The following PAK5 variants were observed in gnomAD, a reference collection of about 807,000 sequenced individuals.
The protein encoded by PAK5 is p21 (RAC1) activated kinase 5.
In PAK5, 16 loss-of-function variants were observed where a neutral mutation model predicts 65.9. The observed-to-expected ratio is 0.24, with a 90% CI of 0.16 to 0.37. PAK5 has a LOEUF of 0.37. PAK5 is among the 10% of genes least tolerant of loss of function. The pLI is 1.00. For synonymous variants in PAK5, 371 were observed against 354.9 expected (o/e 1.05, Z -0.51); for missense variants, 785 against 903.9 (o/e 0.87, Z 1.69).
intron 2 of PAK5, among the ~76,000 whole-genome samples, chr20:9,689,591 G>T (rs1399428364): frequency 6.6e-6 from 1 of 152,190 alleles, no homozygotes; most frequent in Non-Finnish European, 1.5e-5. Flanking sequence ...ACTCAGCAAT[G>T]AAACCGCTGA....
At chr20:9,790,790 C>T (rs1252000105) in intron 1 of PAK5, among the ~76,000 whole-genome samples, 1 of 152,098 alleles carries the variant, frequency 6.6e-6, no homozygotes, top group Non-Finnish European at 1.5e-5. Context: ...TGAGCCACTG[C>T]ACCCAGTTGA....
chr20:9,815,320 T>C (rs1340448339), intron 1 of PAK5, among the ~76,000 whole-genome samples: 1 of 152,172 alleles, frequency 6.6e-6, no homozygotes, highest in East Asian at 1.9e-4. Flanking sequence ...AATATGAATA[T>C]GAATGCCTGC....
chr20:9,652,056 T>G (rs895042968), intron 2 of PAK5, among the ~76,000 whole-genome samples: 6 of 152,050 alleles, frequency 3.9e-5, no homozygotes, highest in African/African-American at 1.4e-4. Flanking sequence ...CGAAGAGAGA[T>G]TTTTCTTTTC....
intron 2 of PAK5, among the ~76,000 whole-genome samples, chr20:9,681,006 T>G (rs1399731471): frequency 6.6e-6 from 1 of 152,236 alleles, no homozygotes; most frequent in Non-Finnish European, 1.5e-5. Flanking sequence ...TTACCAAGAG[T>G]TGTGAATTTG....
At chr20:9,684,301 G>T (rs997694845) in intron 2 of PAK5, among the ~76,000 whole-genome samples, 1 of 152,184 alleles carries the variant, frequency 6.6e-6, no homozygotes, top group Non-Finnish European at 1.5e-5. Context: ...TAAGGATTAT[G>T]GTTCCAGGAT....
At chr20:9,547,724 C>T (rs539827818) in intron 7 of PAK5, among the ~76,000 whole-genome samples, 1 of 152,204 alleles carries the variant, frequency 6.6e-6, no homozygotes, top group African/African-American at 2.4e-5. Flanking sequence ...GGATGGGATC[C>T]AAGGTCTTGT....
At chr20:9,819,803 G>A (rs1412242196) in intron 1 of PAK5, among the ~76,000 whole-genome samples, 1 of 152,074 alleles carries the variant, frequency 6.6e-6, no homozygotes, top group Non-Finnish European at 1.5e-5. Context: ...ACCCACAAAT[G>A]TTATATTAGA....
chr20:9,779,747 A>G (rs1282061548), intron 1 of PAK5, among the ~76,000 whole-genome samples: 3 of 151,992 alleles, frequency 2.0e-5, no homozygotes, highest in Non-Finnish European at 4.4e-5. Flanking sequence ...CTCAACTTAA[A>G]ACACTTAATA....
At position 9,592,296 on chromosome 20, in the gene PAK5, C is replaced by T. The variant is rs150345478; in HGVS notation, c.205-11366G>A. Among the ~76,000 whole-genome samples the T allele has an allele frequency of 1.4e-3, 208 of 152,268 alleles. 2 individuals carry two copies. In the East Asian group the frequency reaches 0.033, roughly 24 times the overall value. ...TAGAAGCAGAACCCCCACCACTATG[C>T]GTGTAATATCCATGTAACAAACAAG... On this transcript the variant is annotated intron_variant, in intron 3 of 9. Transcript: ENST00000353224.
chr20:9,736,701 G>A (rs1438566881), intron 1 of PAK5, among the ~76,000 whole-genome samples: 1 of 152,198 alleles, frequency 6.6e-6, no homozygotes, highest in South Asian at 2.1e-4. Context: ...ATTGGTTTAC[G>A]ATGATCAGAA....
intron 3 of PAK5, among the ~76,000 whole-genome samples, chr20:9,590,628 A>G (rs971275290): frequency 6.6e-6 from 1 of 152,050 alleles, no homozygotes; most frequent in African/African-American, 2.4e-5. Flanking sequence ...CCAAAAAAAA[A>G]AAAAAAAGAA....
intron 1 of PAK5, among the ~76,000 whole-genome samples, chr20:9,822,501 G>T (rs1347681957): frequency 6.6e-6 from 1 of 152,042 alleles, no homozygotes; most frequent in Non-Finnish European, 1.5e-5. Flanking sequence ...ATTTGGAAAT[G>T]ACTTTGAGGG....
intron 3 of PAK5, among the ~76,000 whole-genome samples, chr20:9,624,310 T>C (rs956054947): frequency 6.6e-6 from 1 of 152,150 alleles, no homozygotes; most frequent in Non-Finnish European, 1.5e-5. Flanking sequence ...GTCACTGACA[T>C]ACTCAGTTTC....
intron 3 of PAK5, among the ~76,000 whole-genome samples, chr20:9,609,769 T>C (rs1397028388): frequency 2.0e-5 from 3 of 152,216 alleles, no homozygotes; most frequent in Non-Finnish European, 4.4e-5. Context: ...TTGGCCTGTA[T>C]ATTAGTCGGT....
chr20:9,697,715 C>A (rs944175879), intron 2 of PAK5, among the ~76,000 whole-genome samples: 3 of 152,216 alleles, frequency 2.0e-5, no homozygotes, highest in East Asian at 3.9e-4. Flanking sequence ...CTTCCCCATA[C>A]CTTTATTAGT....
At chr20:9,629,170 C>T (rs576407554) in intron 3 of PAK5, among the ~76,000 whole-genome samples, 4 of 152,172 alleles carry the variant, frequency 2.6e-5, no homozygotes, top group Non-Finnish European at 5.9e-5. Flanking sequence ...GAATTTCAGC[C>T]TCTGAGACCT....
chr20:9,631,626 C>A (rs1036380165), intron 3 of PAK5, among the ~76,000 whole-genome samples: 8 of 152,164 alleles, frequency 5.3e-5, no homozygotes, highest in African/African-American at 1.9e-4. Flanking sequence ...CCTGTTAAGC[C>A]ATGCCTAGAC....
intron 3 of PAK5, among the ~76,000 whole-genome samples, chr20:9,642,402 T>C (rs560791884): frequency 1.3e-5 from 2 of 152,324 alleles, no homozygotes; most frequent in Admixed American, 6.5e-5. Context: ...GAATGTTTCT[T>C]ATCCAATGAT....
intron 1 of PAK5, among the ~76,000 whole-genome samples, chr20:9,762,127 A>G (rs1001919953): frequency 2.0e-5 from 3 of 152,200 alleles, no homozygotes; most frequent in Non-Finnish European, 2.9e-5. Flanking sequence ...AATGGATTAA[A>G]GACTTAAATG....
Sources: gnomAD v4.1 joint callset for allele counts (sites outside exome capture counted in the v4.1 genomes callset) on GRCh38, gnomAD v4.1.1 for gene constraint, MANE v1.5 for transcripts, NCBI Gene and HGNC (gene_info 2026-07-23, HGNC 2026-07-21) for gene names.